NIM1K: variants seen among roughly 807,000 people sequenced by gnomAD.
The protein encoded by NIM1K is NIM1 serine/threonine protein kinase, also known as serine/threonine-protein kinase NIM1.
A neutral mutation model predicts 37.1 loss-of-function variants in NIM1K; 35 were observed. The ratio of observed to expected loss-of-function variants is 0.94; its 90% confidence interval spans 0.72 to 1.25. The LOEUF (loss-of-function observed/expected upper bound fraction) is 1.25. NIM1K is among the 50% of genes most tolerant of loss of function. The pLI is 0.00. For synonymous variants in NIM1K, 234 were observed against 206.6 expected (o/e 1.13, Z -1.14); for missense variants, 564 against 548.0 (o/e 1.03, Z -0.29).
At chr5:43,249,853 T>TG (rs1752841648) in intron 2 of NIM1K, among the ~76,000 whole-genome samples, 1 of 145,954 alleles carries the variant, frequency 6.9e-6, no homozygotes, top group Non-Finnish European at 1.5e-5. Flanking sequence ...TGGATTAGTT[T>TG]TTTTTTTTTT....
At chr5:43,268,977 T>C (rs555123256) in intron 2 of NIM1K, among the ~76,000 whole-genome samples, 1 of 152,180 alleles carries the variant, frequency 6.6e-6, no homozygotes, top group South Asian at 2.1e-4. Flanking sequence ...TTTTTTTAAC[T>C]GTTGTTGCTT....
At chr5:43,196,489 G>A (rs1158015079) in intron 1 of NIM1K, among the ~76,000 whole-genome samples, 4 of 149,178 alleles carry the variant, frequency 2.7e-5, no homozygotes, top group Non-Finnish European at 4.5e-5. Flanking sequence ...AAAAAAATTA[G>A]CCAGGTGTGG....
intron 2 of NIM1K, among the ~76,000 whole-genome samples, chr5:43,268,856 C>G (rs2111555903): frequency 6.6e-6 from 1 of 152,260 alleles, no homozygotes; most frequent in Non-Finnish European, 1.5e-5. Context: ...AGCTTGAAGG[C>G]TAAAGGCAAG....
intron 3 of NIM1K, among the ~76,000 whole-genome samples, chr5:43,279,622 C>T (rs1023789026): frequency 4.6e-5 from 7 of 152,188 alleles, no homozygotes; most frequent in African/African-American, 1.4e-4. Flanking sequence ...GTCAAACGAT[C>T]CATCAGCCAG....
At chr5:43,221,554 T>C (rs1169128482) in intron 1 of NIM1K, among the ~76,000 whole-genome samples, 1 of 151,976 alleles carries the variant, frequency 6.6e-6, no homozygotes, top group Admixed American at 6.6e-5. Context: ...AATTCTCCAA[T>C]TGGGCAGCCC....
chr5:43,216,210 G>T (rs921808099), intron 1 of NIM1K, among the ~76,000 whole-genome samples: 8 of 152,042 alleles, frequency 5.3e-5, no homozygotes, highest in African/African-American at 1.9e-4. Context: ...AAGACCCCAG[G>T]CATGGTTTTC....
chr5:43,277,769 C>G (rs898037815), intron 3 of NIM1K, among the ~76,000 whole-genome samples: 3 of 149,020 alleles, frequency 2.0e-5, no homozygotes, highest in African/African-American at 7.5e-5. Context: ...TCTCCCCCAC[C>G]CCCCCTCTCC....
Position 43,253,213 on chromosome 5 carries a change from TGTGTGTG to T in NIM1K, c.292+7147_292+7153del, listed in dbSNP as rs1561088053. On this transcript the variant is annotated intron_variant, in intron 2 of 3. Coordinates refer to ENST00000326035, the MANE Select transcript of NIM1K (RefSeq NM_153361.4). ...ATAATATAATATATAATATAATATA[TGTGTGTG>T]TGTGTGTGTGTGTGTGTGTGTGTGT... 1.7e-3 allele frequency among the ~76,000 whole-genome samples: 100 copies of T among 60,346 alleles called. 1 individual carries two copies. Among genetic ancestry groups the T allele is most frequent in the South Asian group, 2.0e-3 (4 of 2,014 alleles). The allele number at this position is 60,346 out of a possible 152,430, so 39.6% of individuals were successfully genotyped here.
chr5:43,214,603 C>T (rs1752271124), intron 1 of NIM1K, among the ~76,000 whole-genome samples: 1 of 151,548 alleles, frequency 6.6e-6, no homozygotes, highest in Non-Finnish European at 1.5e-5. Flanking sequence ...ATCACGAGGT[C>T]AGGAAATCGA....
At chr5:43,204,126 C>T (rs536271817) in intron 1 of NIM1K, among the ~76,000 whole-genome samples, 2 of 123,506 alleles carry the variant, frequency 1.6e-5, no homozygotes, top group Admixed American at 9.7e-5. Context: ...ACTCTGTGGC[C>T]CAGGCTGGAG....
intron 1 of NIM1K, among the ~76,000 whole-genome samples, chr5:43,215,282 T>C (rs1358105306): frequency 2.0e-5 from 3 of 152,198 alleles, no homozygotes; most frequent in Non-Finnish European, 4.4e-5. Flanking sequence ...AATCACTTCT[T>C]CAATCAGCCG....
intron 2 of NIM1K, among the ~76,000 whole-genome samples, chr5:43,275,896 ATTTTTT>A (rs35301860): frequency 1.5e-5 from 2 of 134,606 alleles, no homozygotes; most frequent in Non-Finnish European, 3.2e-5. Flanking sequence ...AAATTGAGTA[ATTTTTT>A]TTTTTTTTTT....
chr5:43,198,201 TTCTTTCTCTTTCTTTCTTTC>T (rs1436745007), intron 1 of NIM1K, among the ~76,000 whole-genome samples: 4 of 54,814 alleles, frequency 7.3e-5, no homozygotes, highest in Admixed American at 1.8e-4. Context: ...CTTTCTTTCT[TTCTTTCTCTTTCTTTCTTTC>T]TTTCTTTCTT....
At chr5:43,214,543 C>T (rs1167505383) in intron 1 of NIM1K, among the ~76,000 whole-genome samples, 1 of 152,078 alleles carries the variant, frequency 6.6e-6, no homozygotes, top group African/African-American at 2.4e-5. Context: ...TTGCCGGGCG[C>T]GGTGGCTTAC....
chr5:43,259,109 G>A (rs1197349814), intron 2 of NIM1K, among the ~76,000 whole-genome samples: 1 of 152,178 alleles, frequency 6.6e-6, no homozygotes, highest in African/African-American at 2.4e-5. Flanking sequence ...TCATAGCTGA[G>A]TAGTATTCTA....
At chr5:43,269,243 GAGGT>G (rs1312272818) in intron 2 of NIM1K, among the ~76,000 whole-genome samples, 1 of 145,588 alleles carries the variant, frequency 6.9e-6, no homozygotes, top group East Asian at 2.1e-4. Context: ...CCGGGAGGCA[GAGGT>G]TGCAGTGAGC....
At chr5:43,275,896 A>ATT (rs35301860) in intron 2 of NIM1K, among the ~76,000 whole-genome samples, 270 of 134,590 alleles carry the variant, frequency 2.0e-3, no homozygotes, top group African/African-American at 3.0e-3. Flanking sequence ...AAATTGAGTA[A>ATT]TTTTTTTTTT....
intron 2 of NIM1K, among the ~76,000 whole-genome samples, chr5:43,269,006 A>G (rs192076803): frequency 2.6e-4 from 40 of 152,006 alleles, no homozygotes; most frequent in African/African-American, 8.7e-4. Flanking sequence ...GTTTTATTTA[A>G]TATAAGAATA....
intron 1 of NIM1K, among the ~76,000 whole-genome samples, chr5:43,242,416 G>A (rs1045726224): frequency 1.3e-5 from 2 of 151,688 alleles, no homozygotes; most frequent in Non-Finnish European, 2.9e-5. Flanking sequence ...CAGGAGGCCT[G>A]GTGCCTGTGG....
Sources: gnomAD v4.1 joint callset for allele counts (sites outside exome capture counted in the v4.1 genomes callset) on GRCh38, gnomAD v4.1.1 for gene constraint, MANE v1.5 for transcripts, NCBI Gene and HGNC (gene_info 2026-07-23, HGNC 2026-07-21) for gene names.